The following KAT6A variants were observed in gnomAD, a reference collection of about 807,000 sequenced individuals.
KAT6A encodes the protein histone acetyltransferase KAT6A.
A neutral mutation model predicts 198.4 loss-of-function variants in KAT6A; 9 were observed. The ratio of observed to expected loss-of-function variants is 0.05; its 90% CI spans 0.03 to 0.08. The LOEUF is 0.08. Ranked by LOEUF, KAT6A falls within the 10% of genes least tolerant of loss-of-function variation. The pLI is 1.00. For synonymous variants in KAT6A, 890 were observed against 883.0 expected (o/e 1.01, Z -0.14); for missense variants, 2,077 against 2,509.9 (o/e 0.83, Z 3.69).
intron 9 of KAT6A, among the ~76,000 whole-genome samples, chr8:41,952,513 G>A (rs1431979427): frequency 6.6e-6 from 1 of 152,122 alleles, no homozygotes; most frequent in African/African-American, 2.4e-5. Context: ...TTTAAAGACA[G>A]GGATACAAGA....
intron 15 of KAT6A, among the ~76,000 whole-genome samples, chr8:41,939,185 A>AT (rs1421426310): frequency 6.6e-6 from 1 of 152,148 alleles, no homozygotes; most frequent in Non-Finnish European, 1.5e-5. Flanking sequence ...AGAAATTCAA[A>AT]TAATTTATGC....
chr8:41,978,735 C>T lies in KAT6A; in HGVS notation c.950G>A (p.Arg317Gln), dbSNP rs201266052. ...CQICRPRKKG[R>Q]KLLQKKAAQI... ...TGCTGCCTTCTTTTGTAGAAGTTTT[C>T]GTCCTTTTTTCCTAGGTCGACATAT... The change falls in exon 6 of 17, where the codon CGA becomes CAA. Residue 317 changes from arginine (R) to glutamine (Q), a missense_variant. Transcript: ENST00000265713. 13 of 1,613,564 alleles carry T rather than the reference C, an allele frequency of 8.1e-6. No individual in the cohort carries two copies. The highest frequency in any genetic ancestry group is 6.7e-5 in the African/African-American group (5 of 74,968).
intron 2 of KAT6A, among the ~76,000 whole-genome samples, chr8:42,020,093 A>C (rs985888402): frequency 6.6e-6 from 1 of 152,160 alleles, no homozygotes; most frequent in Non-Finnish European, 1.5e-5. Flanking sequence ...AACTATTTTC[A>C]TATCTTATAA....
At chr8:42,019,832 G>A (rs1036020826) in intron 2 of KAT6A, among the ~76,000 whole-genome samples, 9 of 152,132 alleles carry the variant, frequency 5.9e-5, no homozygotes, top group African/African-American at 1.9e-4. Flanking sequence ...ATAATAGAAG[G>A]GAAAAATGGG....
Position 41,978,495 on chromosome 8 carries a change from A to G in KAT6A, c.1043+147T>C, listed in dbSNP as rs534669518. 1.8e-5 allele frequency: 14 copies of G among 769,170 alleles called. No individual in the cohort carries two copies. The South Asian group carries it at 2.6e-4, about 14-fold the overall frequency. The allele number at this position is 769,170 out of a possible 1,614,324, so 47.6% of individuals were successfully genotyped here. ...TTAGAATAGTGTCTGGCACTTATTA[A>G]GGGCTGAATAAGTGTTAGCCATTAT... On this transcript the variant is annotated intron_variant, in intron 6 of 16. Coordinates refer to ENST00000265713, the MANE Select transcript of KAT6A (RefSeq NM_006766.5).
intron 8 of KAT6A, among the ~76,000 whole-genome samples, chr8:41,972,836 T>C (rs1229765895): frequency 1.3e-5 from 2 of 152,196 alleles, no homozygotes; most frequent in Non-Finnish European, 2.9e-5. Flanking sequence ...TGTCTGCAAC[T>C]TACTCGGGAG....
chr8:41,935,268 C>T (rs1821790668), intron 16 of KAT6A, among the ~76,000 whole-genome samples: 1 of 152,154 alleles, frequency 6.6e-6, no homozygotes, highest in South Asian at 2.1e-4. Flanking sequence ...CTAAAAGTTA[C>T]AAATTAGCTT....
intron 2 of KAT6A, among the ~76,000 whole-genome samples, chr8:42,010,367 G>T (rs1378982437): frequency 1.3e-5 from 2 of 152,144 alleles, no homozygotes; most frequent in Non-Finnish European, 2.9e-5. Context: ...AGTAAACATT[G>T]TATCAGAGCA....
At chr8:41,951,803 T>C (rs1374188101) in intron 9 of KAT6A, among the ~76,000 whole-genome samples, 2 of 152,218 alleles carry the variant, frequency 1.3e-5, no homozygotes, top group South Asian at 2.1e-4. Flanking sequence ...AGTCAACTTG[T>C]AGCAAATTTT....
At chr8:41,969,721 G>A (rs1181164695) in intron 8 of KAT6A, among the ~76,000 whole-genome samples, 1 of 152,128 alleles carries the variant, frequency 6.6e-6, no homozygotes, top group Non-Finnish European at 1.5e-5. Context: ...CTGCAATTAT[G>A]ATAAAAACCC....
chr8:41,955,380 T>C lies in KAT6A; in HGVS notation c.1514A>G (p.Gln505Arg). Residue 505 changes from glutamine to arginine, a missense_variant, in exon 9 of 17, where the codon CAA becomes CGA. Around this residue, in one of 13 missense-constraint regions of KAT6A, gnomAD observed 206 missense variants for 214.9 expected, o/e 0.96. Transcript: ENST00000265713. The part of the protein sequence containing the change: ...KVGVTGPPDP[Q>R]VRCPSVIEFG... Reference sequence around the variant, plus strand: ...CTCAATGACAGAGGGACAGCGGACTTGTGGATCAGGGGGACCAGTCACTCC... The same window carrying C: ...CTCAATGACAGAGGGACAGCGGACTCGTGGATCAGGGGGACCAGTCACTCC... 6.2e-7 allele frequency: 1 copy of C among 1,612,858 alleles called. No individual in the cohort carries two copies.
At position 41,933,113 on chromosome 8, in the gene KAT6A, A is replaced by T. The variant is rs760940535; in HGVS notation, c.5107T>A (p.Ser1703Thr). The change falls in exon 17 of 17, where the codon TCA becomes ACA. Residue 1703 changes from serine (S) to threonine (T), a missense_variant. Physicochemically the swap from Ser to Thr is moderately conservative, Grantham distance 58 (BLOSUM62 1). Around this residue, in one of 13 missense-constraint regions of KAT6A, gnomAD observed 500 missense variants for 577.2 expected, o/e 0.87. Transcript: ENST00000265713. The surrounding 1 kb of genome is among the most constrained non-coding windows in gnomAD (Gnocchi z 6.2). ...PPPPQQQPPL[S>T]QCSMNNSFTP... ...AAACTGTTATTCATACTACACTGTG[A>T]CAGCGGGGGCTGCTGCTGGGGAGGG... The T allele has an allele frequency of 7.4e-7, 1 of 1,347,240 alleles. No homozygotes were observed. Among genetic ancestry groups the T allele is most frequent in the Non-Finnish European group, 1.0e-6 (1 of 973,216 alleles). The allele number at this position is 1,347,240 out of a possible 1,614,324, so 83.5% of individuals were successfully genotyped here.
Position 41,932,763 on chromosome 8 carries a change from A to G in KAT6A, c.5457T>C (p.Thr1819=). ...GCAGAGGAGATGTGAGGTTCATGGT[A>G]GTGGATGCCAAGTTTGGGGGTGGCG... ...TMTPPPNLAS[T]TMNLTSPLLQ... The change falls in exon 17 of 17, where the codon ACT becomes ACC. Residue 1819 remains threonine (T), a synonymous_variant. Coordinates refer to ENST00000265713, the MANE Select transcript of KAT6A (RefSeq NM_006766.5). 1 of 1,614,172 alleles carries G rather than the reference A, an allele frequency of 6.2e-7. No individual in the cohort carries two copies. Among genetic ancestry groups the G allele is most frequent in the Non-Finnish European group, 8.5e-7 (1 of 1,179,996 alleles).
chr8:42,006,985 G>A, intron 2 of KAT6A, among the ~76,000 whole-genome samples: 1 of 103,036 alleles, frequency 9.7e-6, no homozygotes, highest in African/African-American at 4.5e-5. Flanking sequence ...GACAGAGCAA[G>A]ACTCCATCTC....
intron 15 of KAT6A, 57 bp downstream of exon 15, chr8:41,940,785 A>G: frequency 6.5e-7 from 1 of 1,542,858 alleles, no homozygotes; most frequent in Non-Finnish European, 8.7e-7. Context: ...CTAAAACGAG[A>G]AGGTGTAAGA....
chr8:41,987,922 C>A (rs1257063123), intron 2 of KAT6A, among the ~76,000 whole-genome samples: 1 of 152,146 alleles, frequency 6.6e-6, no homozygotes, highest in East Asian at 1.9e-4. Flanking sequence ...AGCATGTGAT[C>A]TAGTACAAGA....
intron 8 of KAT6A, among the ~76,000 whole-genome samples, chr8:41,964,237 T>G (rs193237369): frequency 6.6e-6 from 1 of 152,172 alleles, no homozygotes; most frequent in African/African-American, 2.4e-5. Context: ...TTTCTTCATT[T>G]GTAAGATGAG....
rs1821670314 is a variant in KAT6A at position 41,933,428 on chromosome 8, G to T, written c.4792C>A (p.Leu1598Ile). ...SYGGLSSSSS[L>I]TQSSCVVTQQ... ...GTGACCACACAGCTGCTCTGGGTGA[G>T]GCTGCTGGAGGACGACAGCCCACCG... The change falls in exon 17 of 17, where the codon CTC (leucine) becomes ATC (isoleucine). Residue 1598 changes from leucine (L) to isoleucine (I), a missense_variant. Leu to Ile is a conservative substitution (Grantham distance 5). Around this residue, in one of 13 missense-constraint regions of KAT6A, gnomAD observed 500 missense variants for 577.2 expected, o/e 0.87. Coordinates refer to ENST00000265713, the MANE Select transcript of KAT6A (RefSeq NM_006766.5). The surrounding 1 kb of genome is among the most constrained non-coding windows in gnomAD (Gnocchi z 6.2). 6.2e-7 allele frequency: 1 copy of T among 1,612,116 alleles called. No individual in the cohort carries two copies. The highest frequency in any genetic ancestry group is 1.7e-5 in the Admixed American group (1 of 59,962).
chr8:42,023,031 T>G (rs1826625660), intron 2 of KAT6A, among the ~76,000 whole-genome samples: 1 of 152,198 alleles, frequency 6.6e-6, no homozygotes, highest in South Asian at 2.1e-4. Context: ...CTAGGCTATA[T>G]GGTATAGGCT....
Sources: gnomAD v4.1 joint callset for allele counts (sites outside exome capture counted in the v4.1 genomes callset) on GRCh38, gnomAD v4.1.1 for gene constraint, gnomAD v4.1.1 regional missense constraint, Gnocchi (gnomAD v3.1) non-coding constraint, MANE v1.5 for transcripts, NCBI Gene and HGNC (gene_info 2026-07-23, HGNC 2026-07-21) for gene names.